The following KCNH8 variants were observed in gnomAD, a reference collection of about 807,000 sequenced individuals.
KCNH8 encodes the protein voltage-gated delayed rectifier potassium channel KCNH8.
Under a neutral mutation model 103.6 loss-of-function variants are expected in KCNH8, and 70 were observed. The observed-to-expected ratio is 0.68, with a 90% CI of 0.56 to 0.82. The LOEUF (loss-of-function observed/expected upper bound fraction) is 0.82. Ranked by LOEUF, KCNH8 falls within the 40% of genes least tolerant of loss-of-function variation. The pLI is 0.00. For missense variants in KCNH8, 1,217 were observed against 1,329.9 expected, an observed-to-expected ratio of 0.92 and a Z score of 1.32; for synonymous variants, 498 against 489.4, an observed-to-expected ratio of 1.02 and a Z score of -0.23.
At chr3:19,227,273 G>T (rs2063942850) in intron 1 of KCNH8, among the ~76,000 whole-genome samples, 1 of 152,058 alleles carries the variant, frequency 6.6e-6, no homozygotes, top group Non-Finnish European at 1.5e-5. Context: ...GGGCCAAGTT[G>T]CTATTTTCCA....
rs542725440 is a variant in KCNH8 at position 19,157,022 on chromosome 3, C to G, written c.76+8227C>G. ...CTTTTGTTCTATTAAGTATTTTGGA[C>G]AGACATCTTTATTGTATTTGTCAGT... On this transcript the variant is annotated intron_variant, in intron 1 of 15. Transcript: ENST00000328405. Among the ~76,000 whole-genome samples the G allele has an allele frequency of 2.0e-3, 294 of 148,492 alleles. 1 individual carries two copies. Among genetic ancestry groups the G allele is most frequent in the Middle Eastern group, 0.011 (3 of 278 alleles).
At chr3:19,505,272 AAG>A (rs1180194698) in intron 11 of KCNH8, among the ~76,000 whole-genome samples, 2 of 152,072 alleles carry the variant, frequency 1.3e-5, no homozygotes, top group Non-Finnish European at 2.9e-5. Context: ...CATGGACACC[AAG>A]AGGGGAACAA....
At chr3:19,444,156 A>C (rs562275384) in intron 8 of KCNH8, among the ~76,000 whole-genome samples, 3 of 152,120 alleles carry the variant, frequency 2.0e-5, no homozygotes, top group Non-Finnish European at 4.4e-5. Context: ...AGTTACAGTA[A>C]TTAAGAGTGT....
chr3:19,370,579 G>T (rs1383843866), intron 5 of KCNH8, among the ~76,000 whole-genome samples: 2 of 151,958 alleles, frequency 1.3e-5, no homozygotes. Context: ...TAATTTTAAA[G>T]AATAAAATAC....
chr3:19,483,342 C>T (rs757244204), intron 11 of KCNH8, among the ~76,000 whole-genome samples: 4 of 152,104 alleles, frequency 2.6e-5, no homozygotes, highest in Non-Finnish European at 2.9e-5. Flanking sequence ...TGACTGTTTT[C>T]GTGTTACCAC....
At chr3:19,213,755 G>A (rs541808504) in intron 1 of KCNH8, among the ~76,000 whole-genome samples, 4 of 152,266 alleles carry the variant, frequency 2.6e-5, no homozygotes, top group African/African-American at 7.2e-5. Flanking sequence ...AATGTTAATC[G>A]TTCTCAGTAG....
At position 19,228,651 on chromosome 3, in the gene KCNH8, CAAAT is replaced by C. The variant is rs200466861; in HGVS notation, c.77-24999_77-24996del. 2.2e-4 allele frequency among the ~76,000 whole-genome samples: 33 copies of C among 152,188 alleles called. No homozygotes were observed. The East Asian group carries it at 5.8e-3, about 27-fold the overall frequency. On this transcript the variant is annotated intron_variant, in intron 1 of 15. Transcript: ENST00000328405. ...CATTTAAAAAATGTATCTATGTTGA[CAAAT>C]AAAATGATGTTTATTTGTGTGTTAC...
chr3:19,360,552 CA>C (rs1326179941), intron 5 of KCNH8, among the ~76,000 whole-genome samples: 3 of 152,030 alleles, frequency 2.0e-5, no homozygotes, highest in Non-Finnish European at 2.9e-5. Flanking sequence ...AAAATCTTCA[CA>C]ATCAGTCCTT....
chr3:19,227,892 AC>A (rs549510091), intron 1 of KCNH8, among the ~76,000 whole-genome samples: 190 of 152,266 alleles, frequency 1.2e-3, no homozygotes, highest in Non-Finnish European at 2.3e-3. Context: ...GGGGAAAGGA[AC>A]CACCCTTTTG....
intron 3 of KCNH8, among the ~76,000 whole-genome samples, chr3:19,293,251 A>G (rs939214681): frequency 6.6e-6 from 1 of 152,114 alleles, no homozygotes. Flanking sequence ...TATTTCCACT[A>G]TACCACAAGG....
chr3:19,376,055 T>G (rs1364236313), intron 5 of KCNH8, among the ~76,000 whole-genome samples: 1 of 152,164 alleles, frequency 6.6e-6, no homozygotes, highest in Non-Finnish European at 1.5e-5. Context: ...TCTTTTTGTT[T>G]GTCTGTGCCC....
intron 1 of KCNH8, among the ~76,000 whole-genome samples, chr3:19,178,848 T>C (rs1361689985): frequency 2.0e-5 from 3 of 152,116 alleles, no homozygotes; most frequent in Non-Finnish European, 4.4e-5. Flanking sequence ...AAGAAGAAGT[T>C]GTGTGTTGGC....
At chr3:19,520,517 A>AT (rs1341674542) in intron 15 of KCNH8, among the ~76,000 whole-genome samples, 1 of 151,844 alleles carries the variant, frequency 6.6e-6, no homozygotes, top group Non-Finnish European at 1.5e-5. Context: ...CTTCTAACCT[A>AT]TTTTTCTCTT....
intron 3 of KCNH8, among the ~76,000 whole-genome samples, chr3:19,296,672 G>T (rs1032653287): frequency 1.1e-4 from 17 of 152,230 alleles, no homozygotes; most frequent in Middle Eastern, 3.4e-3. Flanking sequence ...AGAATGATAC[G>T]ATGGACTTTG....
intron 5 of KCNH8, among the ~76,000 whole-genome samples, chr3:19,377,241 G>T (rs11713099): frequency 6.6e-6 from 1 of 152,134 alleles, no homozygotes; most frequent in Non-Finnish European, 1.5e-5. Context: ...TTTTCTGTTA[G>T]TTGCTGAAAC....
chr3:19,374,413 C>G (rs1209377392), intron 5 of KCNH8, among the ~76,000 whole-genome samples: 6 of 151,728 alleles, frequency 4.0e-5, no homozygotes, highest in Admixed American at 2.6e-4. Flanking sequence ...TCTGTTTTAT[C>G]AGAGACTAGG....
intron 3 of KCNH8, among the ~76,000 whole-genome samples, chr3:19,326,434 C>G (rs1173620051): frequency 1.3e-5 from 2 of 149,502 alleles, no homozygotes; most frequent in Non-Finnish European, 3.0e-5. Flanking sequence ...ATTAACTAGA[C>G]ATGACCAGAG....
chr3:19,499,757 C>T lies in KCNH8; in HGVS notation c.2041-10606C>T, dbSNP rs576673954. The stretch of plus-strand genomic sequence containing the variant: ...AAATGCTCAGAGATTTTTGTCACCA[C>T]CAGGCCTGCCCTAAAAGAGCTCCTG... On this transcript the variant is annotated intron_variant, in intron 11 of 15. Coordinates refer to ENST00000328405, the MANE Select transcript of KCNH8 (RefSeq NM_144633.3). 2.0e-5 allele frequency among the ~76,000 whole-genome samples: 3 copies of T among 152,202 alleles called. No homozygotes were observed. The South Asian group carries it at 6.2e-4, about 32-fold the overall frequency.
intron 13 of KCNH8, among the ~76,000 whole-genome samples, chr3:19,514,518 ATT>A (rs1559367002): frequency 6.6e-6 from 1 of 151,900 alleles, no homozygotes; most frequent in African/African-American, 2.4e-5. Context: ...AGAAAATAAT[ATT>A]TTGAGGACAT....
Sources: allele counts gnomAD v4.1 joint callset (sites outside exome capture counted in the v4.1 genomes callset), GRCh38; gene constraint gnomAD v4.1.1; transcripts MANE v1.5; gene names NCBI Gene and HGNC (gene_info 2026-07-23, HGNC 2026-07-21).